DDR2: variants seen among roughly 807,000 people sequenced by gnomAD.
The protein encoded by DDR2 is discoidin domain-containing receptor 2.
A neutral mutation model predicts 94.9 loss-of-function variants in DDR2; 27 were observed. That is an observed-to-expected ratio of 0.28 (90% CI 0.21 to 0.39). The LOEUF is 0.39. Ranked by LOEUF, DDR2 falls within the 10% of genes least tolerant of loss-of-function variation. DDR2 has a pLI of 1.00. For missense variants in DDR2, 783 were observed against 1,076.0 expected (o/e 0.73, Z 3.81); for synonymous variants, 382 against 377.2 (o/e 1.01, Z -0.15).
At chr1:162,727,973 A>C (rs868006950) in intron 3 of DDR2, among the ~76,000 whole-genome samples, 17 of 137,646 alleles carry the variant, frequency 1.2e-4, no homozygotes, top group East Asian at 9.5e-4. Context: ...ATATATATAT[A>C]TATAGATATA....
chr1:162,694,170 T>C (rs1660080707), intron 2 of DDR2, among the ~76,000 whole-genome samples: 1 of 152,178 alleles, frequency 6.6e-6, no homozygotes, highest in Admixed American at 6.5e-5. Context: ...CCTTCCCGTT[T>C]CCATTTTTTT....
chr1:162,696,277 G>A (rs146436058), intron 2 of DDR2, among the ~76,000 whole-genome samples: 281 of 149,198 alleles, frequency 1.9e-3, no homozygotes, highest in African/African-American at 6.7e-3. Flanking sequence ...TAAAAGGATC[G>A]TCTCTAAATT....
intron 1 of DDR2, among the ~76,000 whole-genome samples, chr1:162,633,544 T>A (rs1040156240): frequency 2.0e-5 from 3 of 152,220 alleles, no homozygotes; most frequent in Non-Finnish European, 4.4e-5. Flanking sequence ...GACCGACCTG[T>A]TCAAGTCCCA....
intron 11 of DDR2, among the ~76,000 whole-genome samples, chr1:162,769,344 C>T (rs1324160684): frequency 2.6e-5 from 4 of 152,226 alleles, no homozygotes; most frequent in Non-Finnish European, 4.4e-5. Context: ...TAAGTACACA[C>T]ATACATTCTA....
At chr1:162,755,093 G>A (rs779287505) in intron 5 of DDR2, 63 bp from the exon 6 acceptor site, 43 of 1,607,642 alleles carry the variant, frequency 2.7e-5, no homozygotes, top group Non-Finnish European at 3.6e-5. Context: ...AAACGTGGTG[G>A]GGTGAAGAAA....
intron 13 of DDR2, 143 bp from the exon 14 acceptor site, chr1:162,773,326 A>G (rs1207764929): frequency 9.1e-7 from 1 of 1,093,858 alleles, no homozygotes. Flanking sequence ...AATCATAGAT[A>G]TGTTACACAT....
At chr1:162,676,381 C>T (rs758810405) in intron 2 of DDR2, among the ~76,000 whole-genome samples, 70 of 152,158 alleles carry the variant, frequency 4.6e-4, no homozygotes, top group Non-Finnish European at 8.2e-4. Context: ...AATTGTTACA[C>T]CACTGTTGTT....
At chr1:162,749,821 T>C (rs1663086747) in intron 3 of DDR2, among the ~76,000 whole-genome samples, 1 of 152,324 alleles carries the variant, frequency 6.6e-6, no homozygotes, top group East Asian at 1.9e-4. Flanking sequence ...CACAATCAAG[T>C]TGGCTTCATC....
chr1:162,685,890 TG>T (rs1193923381), intron 2 of DDR2, among the ~76,000 whole-genome samples: 2 of 152,108 alleles, frequency 1.3e-5, no homozygotes, highest in African/African-American at 2.4e-5. Flanking sequence ...GGCTATTAAG[TG>T]GCAGGGCTGA....
At chr1:162,683,507 G>A (rs185136681) in intron 2 of DDR2, among the ~76,000 whole-genome samples, 79 of 152,058 alleles carry the variant, frequency 5.2e-4, no homozygotes, top group East Asian at 2.7e-3. Flanking sequence ...CAAGCTCACC[G>A]GATACAAAAA....
intron 10 of DDR2, among the ~76,000 whole-genome samples, chr1:162,766,938 A>T (rs993208336): frequency 4.0e-5 from 6 of 151,800 alleles, no homozygotes; most frequent in African/African-American, 1.2e-4. Flanking sequence ...AGGCTGAGGC[A>T]GAATTGCTTG....
chr1:162,755,112 T>C (rs1295035223), intron 5 of DDR2, 44 bp from the exon 6 acceptor site: 1 of 1,613,258 alleles, frequency 6.2e-7, no homozygotes, highest in Non-Finnish European at 8.5e-7. Flanking sequence ...AAAGTGAGCA[T>C]GATTTAATAC....
intron 2 of DDR2, among the ~76,000 whole-genome samples, chr1:162,678,219 G>C (rs978724377): frequency 3.8e-4 from 57 of 150,512 alleles, no homozygotes; most frequent in South Asian, 4.3e-4. Context: ...ACCTACCTCT[G>C]TTACCTACTA....
In DDR2 at chr1:162,778,568, T is replaced by C; in HGVS notation, c.2284-12T>C. On this transcript the variant is annotated splice_polypyrimidine_tract_variant and intron_variant, in intron 16 of 17. Transcript: ENST00000367921. ...TTATTCTGATTTCCCATTCTTTTCT[T>C]TACTTAAATAGGGCAAGTTCACTAC... The C allele has an allele frequency of 6.2e-7, 1 of 1,613,956 alleles. No homozygotes were observed. The highest frequency in any genetic ancestry group is 2.2e-5 in the East Asian group (1 of 44,882).
intron 2 of DDR2, among the ~76,000 whole-genome samples, chr1:162,712,993 A>T (rs532641242): frequency 5.0e-4 from 76 of 152,340 alleles, no homozygotes; most frequent in South Asian, 1.2e-3. Context: ...AGCACCAGCC[A>T]GACCAGGTAA....
intron 2 of DDR2, among the ~76,000 whole-genome samples, chr1:162,662,173 T>G (rs1658333162): frequency 6.6e-6 from 1 of 152,206 alleles, no homozygotes; most frequent in Non-Finnish European, 1.5e-5. Flanking sequence ...TTTTAGACAT[T>G]CTCTTCATTG....
chr1:162,680,739 T>C (rs1659359777), intron 2 of DDR2, among the ~76,000 whole-genome samples: 1 of 152,044 alleles, frequency 6.6e-6, no homozygotes, highest in Non-Finnish European at 1.5e-5. Context: ...AAAAAGAAAA[T>C]AATATAACCC....
chr1:162,733,630 C>G (rs1662162120), intron 3 of DDR2, among the ~76,000 whole-genome samples: 1 of 152,206 alleles, frequency 6.6e-6, no homozygotes, highest in African/African-American at 2.4e-5. Context: ...CTTTCGTTGT[C>G]TGGAGATTGT....
In DDR2 at chr1:162,761,349, C is replaced by A; in HGVS notation, c.994C>A (p.Arg332=). ...LVLDDVNPSA[R]FVTVPLHHRM... Reference sequence around the variant, plus strand: ...CCTGGATGACGTCAACCCCAGTGCTCGGTTTGTCACGGTGCCTCTCCACCA... The same window carrying A: ...CCTGGATGACGTCAACCCCAGTGCTAGGTTTGTCACGGTGCCTCTCCACCA... Residue 332 remains arginine, a synonymous_variant, in exon 9 of 18, where the codon CGG becomes AGG. Transcript: ENST00000367921. 6.2e-7 allele frequency: 1 copy of A among 1,614,182 alleles called. No individual in the cohort carries two copies. The highest frequency in any genetic ancestry group is 8.5e-7 in the Non-Finnish European group (1 of 1,180,038).
Sources: gnomAD v4.1 joint callset for allele counts (sites outside exome capture counted in the v4.1 genomes callset) on GRCh38, gnomAD v4.1.1 for gene constraint, MANE v1.5 for transcripts, NCBI Gene and HGNC (gene_info 2026-07-23, HGNC 2026-07-21) for gene names.